The following PTPRG variants were observed in gnomAD, a reference collection of about 807,000 sequenced individuals.
The protein encoded by PTPRG is protein tyrosine phosphatase receptor type G, also known as receptor-type tyrosine-protein phosphatase gamma.
Under a neutral mutation model 165.3 loss-of-function variants are expected in PTPRG, and 102 were observed. The observed-to-expected ratio is 0.62, with a 90% CI of 0.53 to 0.73. The LOEUF (loss-of-function observed/expected upper bound fraction) is 0.73, where lower values mean the gene tolerates loss of function less well. PTPRG is among the 30% of genes least tolerant of loss of function. The probability of loss-of-function intolerance (pLI) is 0.00; values close to 1 mark genes in which losing one functional copy is unlikely to be tolerated. For missense variants in PTPRG, 1,866 were observed against 1,861.4 expected (o/e 1.00, Z -0.05); for synonymous variants, 675 against 669.5 (o/e 1.01, Z -0.13).
intron 6 of PTPRG, among the ~76,000 whole-genome samples, chr3:62,133,856 G>A (rs1452032887): frequency 6.6e-6 from 1 of 151,996 alleles, no homozygotes. Context: ...AGTGATAGGC[G>A]CCTATAATCC....
chr3:62,138,881 A>G (rs986595463), intron 6 of PTPRG, among the ~76,000 whole-genome samples: 3 of 152,000 alleles, frequency 2.0e-5, no homozygotes, highest in Non-Finnish European at 2.9e-5. Flanking sequence ...CTTCCTTTTT[A>G]TAGTGCTCAC....
At chr3:62,216,211 CAAAAAAGAAAAAAAAA>C (rs1184473502) in intron 12 of PTPRG, among the ~76,000 whole-genome samples, 1 of 105,722 alleles carries the variant, frequency 9.5e-6, no homozygotes, top group African/African-American at 4.0e-5. Context: ...GACCCTGTTT[CAAAAAAGAAAAAAAAA>C]AAAAATGATA....
chr3:62,037,608 A>G (rs1466832835), intron 4 of PTPRG, among the ~76,000 whole-genome samples: 3 of 152,174 alleles, frequency 2.0e-5, no homozygotes, highest in Non-Finnish European at 2.9e-5. Flanking sequence ...ACTCTTCATC[A>G]ATAGTCAAAT....
chr3:61,645,424 C>T (rs962444522), intron 1 of PTPRG, among the ~76,000 whole-genome samples: 2 of 152,228 alleles, frequency 1.3e-5, no homozygotes, highest in Admixed American at 6.5e-5. Flanking sequence ...GCCTCCCTTG[C>T]AGCTAGTGTG....
intron 2 of PTPRG, among the ~76,000 whole-genome samples, chr3:61,959,097 C>A (rs2040095336): frequency 6.6e-6 from 1 of 152,184 alleles, no homozygotes; most frequent in Non-Finnish European, 1.5e-5. Context: ...TTTTTGTTCT[C>A]TTTCATTAAG....
intron 2 of PTPRG, among the ~76,000 whole-genome samples, chr3:61,986,298 A>G (rs1366148961): frequency 6.6e-6 from 1 of 152,188 alleles, no homozygotes; most frequent in Non-Finnish European, 1.5e-5. Context: ...CAAGATACAG[A>G]AGGAACCAGT....
rs555115730 is a variant in PTPRG at position 61,965,279 on chromosome 3, T to A, written c.191-24346T>A. 2.7e-5 allele frequency among the ~76,000 whole-genome samples: 4 copies of A among 149,978 alleles called. No homozygotes were observed. In the East Asian group the frequency reaches 7.9e-4, roughly 30 times the overall value. On this transcript the variant is annotated intron_variant, in intron 2 of 29. Coordinates refer to ENST00000474889, the MANE Select transcript of PTPRG (RefSeq NM_002841.4). ...AAAAAATCCAGAATGACTACAGTGT[T>A]AAGCTACGGTGGCTCACACCCAACA...
intron 20 of PTPRG, among the ~76,000 whole-genome samples, chr3:62,269,400 G>C (rs1296689774): frequency 3.3e-5 from 5 of 152,054 alleles, no homozygotes; most frequent in South Asian, 4.1e-4. Context: ...ACATGAACAG[G>C]CTTCATTTTT....
At chr3:61,717,836 G>A (rs1480316098) in intron 1 of PTPRG, among the ~76,000 whole-genome samples, 1 of 151,836 alleles carries the variant, frequency 6.6e-6, no homozygotes, top group Non-Finnish European at 1.5e-5. Context: ...TTTTATTGTA[G>A]GTATTAGAAC....
intron 1 of PTPRG, among the ~76,000 whole-genome samples, chr3:61,705,389 TG>T (rs1231962523): frequency 6.6e-6 from 1 of 152,174 alleles, no homozygotes; most frequent in African/African-American, 2.4e-5. Flanking sequence ...CTCCATTATT[TG>T]CTCAAGGCTG....
At chr3:61,868,285 C>T (rs1224542851) in intron 2 of PTPRG, among the ~76,000 whole-genome samples, 1 of 152,194 alleles carries the variant, frequency 6.6e-6, no homozygotes, top group African/African-American at 2.4e-5. Flanking sequence ...GGTATCTTTT[C>T]TGTTTCATCT....
intron 2 of PTPRG, among the ~76,000 whole-genome samples, chr3:61,789,956 C>G (rs1168132600): frequency 6.6e-6 from 1 of 152,232 alleles, no homozygotes; most frequent in Non-Finnish European, 1.5e-5. Flanking sequence ...TCTTGTGCAT[C>G]ACATGATTTA....
chr3:62,141,241 T>C (rs1703914432), intron 6 of PTPRG, among the ~76,000 whole-genome samples: 1 of 152,142 alleles, frequency 6.6e-6, no homozygotes, highest in African/African-American at 2.4e-5. Flanking sequence ...AGTTTGGCAG[T>C]ATCTAGTAAA....
At chr3:61,766,616 AAT>A (rs756830875) in intron 2 of PTPRG, among the ~76,000 whole-genome samples, 179 of 148,018 alleles carry the variant, frequency 1.2e-3, no homozygotes, top group Middle Eastern at 3.5e-3. Flanking sequence ...TGTTAAAAAA[AAT>A]TTTTTTTTTT....
chr3:61,930,274 A>AT (rs1490595760), intron 2 of PTPRG, among the ~76,000 whole-genome samples: 3 of 152,128 alleles, frequency 2.0e-5, no homozygotes, highest in African/African-American at 4.8e-5. Context: ...TATATAAATT[A>AT]TTTTTTGTAT....
intron 1 of PTPRG, among the ~76,000 whole-genome samples, chr3:61,595,761 A>C (rs1302001006): frequency 6.6e-6 from 1 of 152,242 alleles, no homozygotes; most frequent in Non-Finnish European, 1.5e-5. Context: ...TGATTCATAT[A>C]GTAGCTAAGA....
At chr3:61,645,705 GGAATTATT>G (rs1450427020) in intron 1 of PTPRG, among the ~76,000 whole-genome samples, 1 of 152,278 alleles carries the variant, frequency 6.6e-6, no homozygotes, top group South Asian at 2.1e-4. Context: ...AATCTTTGTT[GGAATTATT>G]GATCTTTGTT....
intron 2 of PTPRG, among the ~76,000 whole-genome samples, chr3:61,842,214 A>C (rs72880500): frequency 1.6e-3 from 241 of 152,306 alleles, no homozygotes; most frequent in African/African-American, 5.6e-3. Context: ...CCTCCTTCAA[A>C]TATCACAATT....
chr3:61,814,151 T>C (rs1431874228), intron 2 of PTPRG, among the ~76,000 whole-genome samples: 1 of 152,224 alleles, frequency 6.6e-6, no homozygotes, highest in Non-Finnish European at 1.5e-5. Flanking sequence ...TCTGCCCGCC[T>C]CAGCCTCCCA....
Sources: gnomAD v4.1 joint callset for allele counts (sites outside exome capture counted in the v4.1 genomes callset) on GRCh38, gnomAD v4.1.1 for gene constraint, MANE v1.5 for transcripts, NCBI Gene and HGNC (gene_info 2026-07-23, HGNC 2026-07-21) for gene names.